The following SH3GL3 variants were observed in gnomAD, a reference collection of about 807,000 sequenced individuals.
SH3GL3 encodes SH3 domain containing GRB2 like 3, endophilin A3, also known as endophilin-A3.
A neutral mutation model predicts 47.7 loss-of-function variants in SH3GL3; 33 were observed. That is an observed-to-expected ratio of 0.69 (90% CI 0.52 to 0.92). The LOEUF is 0.92. Among genes scored for constraint, SH3GL3 ranks in the 40% least tolerant of loss-of-function variants. The pLI, the probability that SH3GL3 is intolerant of heterozygous loss-of-function variation, is 0.00. For missense variants in SH3GL3, 363 were observed against 417.8 expected (o/e 0.87, Z 1.14); for synonymous variants, 155 against 148.8 (o/e 1.04, Z -0.30).
intron 1 of SH3GL3, among the ~76,000 whole-genome samples, chr15:83,508,045 G>A (rs906835620): frequency 6.6e-6 from 1 of 151,862 alleles, no homozygotes; most frequent in African/African-American, 2.4e-5. Context: ...GGGTTCAAGG[G>A]ATTCTCCTGC....
intron 1 of SH3GL3, among the ~76,000 whole-genome samples, chr15:83,506,729 A>G (rs1426233957): frequency 6.6e-6 from 1 of 152,068 alleles, no homozygotes; most frequent in Non-Finnish European, 1.5e-5. Context: ...TTTCATTTCA[A>G]TAGAGGTCTG....
At chr15:83,453,625 T>G (rs1208343104) in intron 1 of SH3GL3, among the ~76,000 whole-genome samples, 2 of 150,248 alleles carry the variant, frequency 1.3e-5, no homozygotes, top group African/African-American at 4.9e-5. Flanking sequence ...CTGATGGTAG[T>G]TTGTATTTCT....
rs895358234 is a variant in SH3GL3, at chr15:83,447,770, C to T, written c.45+192C>T. On this transcript the variant is annotated intron_variant, in intron 1 of 8. Transcript: ENST00000427482. This position sits in a 1 kb window ranked among gnomAD's most constrained non-coding sequence, Gnocchi z 5.1. ...CTCGGCGTCTTGGCGCCTTCTCCTT[C>T]CCATTCCCTGGCCCCCGGCTCTGCC... Among the ~76,000 whole-genome samples the T allele has an allele frequency of 3.9e-5, 6 of 152,174 alleles. No homozygotes were observed. The highest frequency in any genetic ancestry group is 7.3e-5 in the Non-Finnish European group (5 of 68,028).
chr15:83,548,744 T>C (rs183391685), intron 1 of SH3GL3, among the ~76,000 whole-genome samples: 44 of 152,302 alleles, frequency 2.9e-4, no homozygotes, highest in African/African-American at 1.0e-3. Flanking sequence ...TTGACTATAA[T>C]GTGCCTAGGT....
At chr15:83,520,137 TAGAGGTGAGGAG>T (rs1207178322) in intron 1 of SH3GL3, among the ~76,000 whole-genome samples, 2 of 152,170 alleles carry the variant, frequency 1.3e-5, no homozygotes, top group African/African-American at 2.4e-5. Flanking sequence ...TGAACTGTGT[TAGAGGTGAGGAG>T]CCCTGAGGCT....
chr15:83,466,427 T>TATATATAC (rs1304786292), intron 1 of SH3GL3, among the ~76,000 whole-genome samples: 8 of 151,822 alleles, frequency 5.3e-5, no homozygotes, highest in Non-Finnish European at 1.0e-4. Context: ...TATATATATA[T>TATATATAC]ATGGGGAAAG....
intron 2 of SH3GL3, among the ~76,000 whole-genome samples, chr15:83,562,213 T>C (rs922664591): frequency 1.3e-5 from 2 of 152,204 alleles, no homozygotes; most frequent in Non-Finnish European, 2.9e-5. Flanking sequence ...CTCTTCAATT[T>C]GTAAAGGGTT....
At chr15:83,531,312 A>T (rs192565116) in intron 1 of SH3GL3, among the ~76,000 whole-genome samples, 7 of 152,352 alleles carry the variant, frequency 4.6e-5, no homozygotes, top group African/African-American at 1.7e-4. Flanking sequence ...TAAGCTTTTA[A>T]TGTATTCAGG....
chr15:83,570,862 C>G (rs1464662717), intron 4 of SH3GL3, among the ~76,000 whole-genome samples: 1 of 152,174 alleles, frequency 6.6e-6, no homozygotes, highest in Non-Finnish European at 1.5e-5. Flanking sequence ...ATTTCTTACT[C>G]TGAAGGCACA....
At chr15:83,631,194 C>T in the SH3GL3 span, among the ~76,000 whole-genome samples, 3 of 152,216 alleles carry the variant, frequency 2.0e-5, no homozygotes, top group African/African-American at 7.2e-5. Flanking sequence ...GAGGTGGGCT[C>T]CCACAGCCTT....
intron 8 of SH3GL3, among the ~76,000 whole-genome samples, chr15:83,595,616 TTG>T (rs566405457): frequency 1.9e-3 from 168 of 88,438 alleles, no homozygotes; most frequent in Middle Eastern, 5.6e-3. Context: ...AAGTTACTCC[TTG>T]TTTTTTTTTT....
In SH3GL3 at chr15:83,448,290, A is replaced by G. The variant is rs1355763370; in HGVS notation, c.45+712A>G. On this transcript the variant is annotated intron_variant, in intron 1 of 8. Transcript: ENST00000427482. The surrounding 1 kb of genome is among the most constrained non-coding windows in gnomAD (Gnocchi z 4.2). ...ACGCACAGAGGATGACAAATAACACAGTGGGGGCGTCAGGGAGAGCTTCCC... is the reference window on the plus strand; with the variant it reads ...ACGCACAGAGGATGACAAATAACACGGTGGGGGCGTCAGGGAGAGCTTCCC... Among the ~76,000 whole-genome samples the G allele has an allele frequency of 1.3e-5, 2 of 152,188 alleles. No individual in the cohort carries two copies. Among genetic ancestry groups the G allele is most frequent in the Non-Finnish European group, 2.9e-5 (2 of 68,040 alleles).
At chr15:83,554,719 T>G (rs2044854053) in intron 1 of SH3GL3, among the ~76,000 whole-genome samples, 1 of 152,194 alleles carries the variant, frequency 6.6e-6, no homozygotes, top group South Asian at 2.1e-4. Context: ...TTTGATGCCA[T>G]TCCTTCATTG....
At chr15:83,464,988 TATAATAATAATAATA>T (rs143393694) in intron 1 of SH3GL3, among the ~76,000 whole-genome samples, 22,620 of 141,472 alleles carry the variant, frequency 0.16, 2,489 homozygotes, top group Non-Finnish European at 0.23. Context: ...GAACTTAAAG[TATAATAATAATAATA>T]ATAATAATAA....
intron 8 of SH3GL3, chr15:83,609,160 A>C: frequency 2.3e-6 from 1 of 426,956 alleles, no homozygotes; most frequent in Non-Finnish European, 4.7e-6. Flanking sequence ...TATTCTAAGG[A>C]TTAAATTAGA....
intron 1 of SH3GL3, among the ~76,000 whole-genome samples, chr15:83,530,170 G>T (rs2043603943): frequency 6.6e-6 from 1 of 152,208 alleles, no homozygotes; most frequent in Non-Finnish European, 1.5e-5. Context: ...TCAGAATGGT[G>T]CTGTTCTGCA....
chr15:83,496,273 T>C (rs757427190), intron 1 of SH3GL3, among the ~76,000 whole-genome samples: 6 of 150,588 alleles, frequency 4.0e-5, no homozygotes, highest in Non-Finnish European at 8.8e-5. Flanking sequence ...GTGGGAGAAT[T>C]GCTTGAACCC....
intron 6 of SH3GL3, 69 bp downstream of exon 6, chr15:83,576,810 G>A (rs573446995): frequency 3.5e-6 from 4 of 1,158,240 alleles, no homozygotes; most frequent in East Asian, 2.5e-5. Context: ...GACTATGATC[G>A]GCATGTTGAA....
chr15:83,582,544 T>C (rs984462489), intron 6 of SH3GL3, among the ~76,000 whole-genome samples: 3 of 152,234 alleles, frequency 2.0e-5, no homozygotes, highest in African/African-American at 7.2e-5. Context: ...GAGTCTTTAT[T>C]TGACAGTATG....
Sources: gnomAD v4.1 joint callset for allele counts (sites outside exome capture counted in the v4.1 genomes callset) on GRCh38, gnomAD v4.1.1 for gene constraint, Gnocchi (gnomAD v3.1) non-coding constraint, MANE v1.5 for transcripts, NCBI Gene and HGNC (gene_info 2026-07-23, HGNC 2026-07-21) for gene names.